The following UBE3D variants were observed in gnomAD, a reference collection of about 807,000 sequenced individuals.
UBE3D encodes E3 ubiquitin-protein ligase E3D.
A neutral mutation model predicts 49.6 loss-of-function variants in UBE3D; 48 were observed. The observed-to-expected ratio is 0.97, with a 90% CI of 0.77 to 1.23. The LOEUF (loss-of-function observed/expected upper bound fraction) is 1.23, where lower values mean the gene tolerates loss of function less well. Ranked by LOEUF, UBE3D falls within the 50% of genes most tolerant of loss-of-function variation. The pLI is 0.00. For synonymous variants in UBE3D, 189 were observed against 174.2 expected, an observed-to-expected ratio of 1.08 and a Z score of -0.67; for missense variants, 452 against 468.4, an observed-to-expected ratio of 0.96 and a Z score of 0.32.
chr6:83,020,977 G>A (rs1781051016), intron 7 of UBE3D, among the ~76,000 whole-genome samples: 1 of 152,180 alleles, frequency 6.6e-6, no homozygotes. Flanking sequence ...TGACTATCCA[G>A]ATAAATGCTC....
intron 3 of UBE3D, among the ~76,000 whole-genome samples, chr6:83,051,226 A>G (rs910801881): frequency 8.5e-5 from 13 of 152,170 alleles, no homozygotes; most frequent in Admixed American, 2.6e-4. Context: ...TACAAACACA[A>G]CTTCCCAGCT....
At chr6:83,003,630 AT>A (rs1480225803) in intron 8 of UBE3D, among the ~76,000 whole-genome samples, 7 of 152,228 alleles carry the variant, frequency 4.6e-5, no homozygotes, top group Non-Finnish European at 7.3e-5. Flanking sequence ...ACAGTCTATT[AT>A]TCCTAGGCTA....
intron 1 of UBE3D, among the ~76,000 whole-genome samples, chr6:83,062,016 G>T (rs748672633): frequency 3.3e-5 from 5 of 152,106 alleles, no homozygotes; most frequent in Non-Finnish European, 7.4e-5. Flanking sequence ...ATAAAAGATT[G>T]TAACTTTTTT....
chr6:82,977,113 C>CAAAAAAAAAAAAAAAAAAAAAAAA (rs58424434), intron 8 of UBE3D, among the ~76,000 whole-genome samples: 1 of 42,572 alleles, frequency 2.3e-5, no homozygotes, highest in Non-Finnish European at 3.7e-5. Flanking sequence ...GACTCCATCT[C>CAAAAAAAAAAAAAAAAAAAAAAAA]AAAAAAAAAA....
At chr6:82,940,176 G>A (rs962183484) in intron 9 of UBE3D, among the ~76,000 whole-genome samples, 1 of 152,124 alleles carries the variant, frequency 6.6e-6, no homozygotes, top group Admixed American at 6.5e-5. Flanking sequence ...CTAGAGTATG[G>A]CAAAAAGGAG....
At position 83,065,753 on chromosome 6, in the gene UBE3D, A is replaced by C. The variant is rs1370775337; in HGVS notation, c.-35T>G. On this transcript the variant is annotated 5_prime_UTR_variant, in exon 1 of 10. Coordinates refer to ENST00000369747, the MANE Select transcript of UBE3D (RefSeq NM_198920.3). ...CCAGTCCCAGACCGGACCAAGCTGG[A>C]GGTTCCGAGGGGCCCGGGTCAACAG... 1.3e-6 allele frequency: 2 copies of C among 1,586,676 alleles called. No homozygotes were observed. Among genetic ancestry groups the C allele is most frequent in the Non-Finnish European group, 8.6e-7 (1 of 1,165,484 alleles).
At chr6:82,958,716 C>A (rs939061414) in intron 8 of UBE3D, among the ~76,000 whole-genome samples, 2 of 152,172 alleles carry the variant, frequency 1.3e-5, no homozygotes, top group African/African-American at 2.4e-5. Flanking sequence ...CCCCTTTTAG[C>A]TCTTAGTAGG....
intron 9 of UBE3D, among the ~76,000 whole-genome samples, chr6:82,894,185 C>T (rs1042917288): frequency 3.3e-5 from 5 of 152,130 alleles, no homozygotes; most frequent in African/African-American, 4.8e-5. Context: ...TTGTAAGCCT[C>T]GCCCCCACCC....
chr6:82,998,729 A>G lies in UBE3D; in HGVS notation c.1010+20244T>C, dbSNP rs540202431. Among the ~76,000 whole-genome samples, 14 of 152,354 alleles carry G rather than the reference A, an allele frequency of 9.2e-5. No individual in the cohort carries two copies. In the South Asian group the frequency reaches 2.9e-3, roughly 32 times the overall value. On this transcript the variant is annotated intron_variant, in intron 8 of 9. Transcript: ENST00000369747. ...AAGTTTCAGTAAGTGATTAAAAACT[A>G]TAGCCTCTTTCCAACTCTTAAGTCA...
intron 1 of UBE3D, among the ~76,000 whole-genome samples, chr6:83,059,281 C>T (rs1784014659): frequency 6.6e-6 from 1 of 152,062 alleles, no homozygotes; most frequent in South Asian, 2.1e-4. Context: ...CCTAGCCACT[C>T]AGGAGGCTGA....
rs571218763 is a variant in UBE3D at position 82,935,007 on chromosome 6, G to C, written c.1149+22305C>G. The stretch of plus-strand genomic sequence containing the variant: ...GAATAGGCAAGGAGAATGCAAGAAT[G>C]ACTCTAATAGTATTAGACCATTCTT... On this transcript the variant is annotated intron_variant, in intron 9 of 9. Coordinates refer to ENST00000369747, the MANE Select transcript of UBE3D (RefSeq NM_198920.3). Among the ~76,000 whole-genome samples the C allele has an allele frequency of 8.8e-5, 9 of 102,006 alleles. No homozygotes were observed. The East Asian group carries it at 2.6e-3, about 30-fold the overall frequency. 66.9% of individuals were successfully genotyped at this position (102,006 alleles called of 152,430 possible). A position where few individuals can be genotyped will look rare whatever the true frequency, so the allele number is the denominator to read the frequency against.
intron 8 of UBE3D, among the ~76,000 whole-genome samples, chr6:82,990,082 G>T (rs1041028569): frequency 6.6e-6 from 1 of 152,168 alleles, no homozygotes; most frequent in African/African-American, 2.4e-5. Flanking sequence ...CATACCTCTT[G>T]AATTAGTTAC....
At chr6:82,975,945 G>C (rs114440510) in intron 8 of UBE3D, among the ~76,000 whole-genome samples, 2,585 of 152,222 alleles carry the variant, frequency 0.017, 66 homozygotes, top group African/African-American at 0.058. Context: ...GAGGTGATCT[G>C]AGTAGGTATA....
At chr6:83,053,174 T>C (rs1257590585) in intron 3 of UBE3D, among the ~76,000 whole-genome samples, 1 of 152,246 alleles carries the variant, frequency 6.6e-6, no homozygotes, top group Non-Finnish European at 1.5e-5. Context: ...TTAGTGTATT[T>C]TATGTGTAGC....
intron 9 of UBE3D, among the ~76,000 whole-genome samples, chr6:82,919,304 T>C (rs1773150038): frequency 6.6e-6 from 1 of 151,884 alleles, no homozygotes. Context: ...GTGGCTGGCC[T>C]TAGAAGTATC....
intron 8 of UBE3D, among the ~76,000 whole-genome samples, chr6:82,994,781 T>G (rs975478903): frequency 1.3e-5 from 2 of 152,184 alleles, no homozygotes; most frequent in Non-Finnish European, 2.9e-5. Context: ...TCCAGGTGAC[T>G]AGGAGAATCA....
rs547144876 is a variant in UBE3D, at chr6:83,047,677, C to T, written c.366-3018G>A. ...CATGTTTAGTTAACTTAAAAAGACC[C>T]TTGGTGGCCACTAAACACACCTTAT... On this transcript the variant is annotated intron_variant, in intron 3 of 9. Transcript: ENST00000369747. Among the ~76,000 whole-genome samples the T allele has an allele frequency of 3.3e-5, 5 of 152,268 alleles. No homozygotes were observed. In the East Asian group the frequency reaches 9.7e-4, roughly 29 times the overall value.
At chr6:82,905,619 AAGCT>A (rs1772046367) in intron 9 of UBE3D, among the ~76,000 whole-genome samples, 1 of 152,074 alleles carries the variant, frequency 6.6e-6, no homozygotes, top group South Asian at 2.1e-4. Flanking sequence ...CTTAAATCAA[AAGCT>A]AGAGAGAAAA....
chr6:83,008,742 A>C (rs1254429808), intron 8 of UBE3D, among the ~76,000 whole-genome samples: 1 of 152,206 alleles, frequency 6.6e-6, no homozygotes, highest in African/African-American at 2.4e-5. Flanking sequence ...ATGTGCCAAA[A>C]ATATGCCAGG....
Sources: gnomAD v4.1 joint callset for allele counts (sites outside exome capture counted in the v4.1 genomes callset) on GRCh38, gnomAD v4.1.1 for gene constraint, MANE v1.5 for transcripts, NCBI Gene and HGNC (gene_info 2026-07-23, HGNC 2026-07-21) for gene names.